GLT8D2: variants seen among roughly 807,000 people sequenced by gnomAD.
The protein encoded by GLT8D2 is glycosyltransferase 8 domain containing 2, also known as glycosyltransferase 8 domain-containing protein 2.
A neutral mutation model predicts 44.5 loss-of-function variants in GLT8D2; 45 were observed. That is an observed-to-expected ratio of 1.01 (90% CI 0.80 to 1.30). The LOEUF is 1.30. GLT8D2 is among the 50% of genes most tolerant of loss of function. The pLI, the probability that GLT8D2 is intolerant of heterozygous loss-of-function variation, is 0.00. For synonymous variants in GLT8D2, 156 were observed against 157.2 expected, an observed-to-expected ratio of 0.99 and a Z score of 0.06; for missense variants, 400 against 430.4, an observed-to-expected ratio of 0.93 and a Z score of 0.62.
chr12:103,999,130 C>T (rs951852916), intron 6 of GLT8D2, among the ~76,000 whole-genome samples: 1 of 152,198 alleles, frequency 6.6e-6, no homozygotes, highest in Non-Finnish European at 1.5e-5. Flanking sequence ...CTCCCACCCC[C>T]ACAGACATAT....
At position 103,989,252 on chromosome 12, in the gene GLT8D2, A is replaced by G. The variant is rs1428130706; in HGVS notation, c.*156T>C. On this transcript the variant is annotated 3_prime_UTR_variant, in exon 11 of 11. Coordinates refer to ENST00000360814, the MANE Select transcript of GLT8D2 (RefSeq NM_001384711.1). ...CTTAAAGAAGTTAATCAATGCCTAT[A>G]TGGTCCAAGGTATAATTTGCACACA... 1.7e-5 allele frequency: 9 copies of G among 528,952 alleles called. No individual in the cohort carries two copies. Among genetic ancestry groups the G allele is most frequent in the South Asian group, 3.7e-5 (1 of 26,768 alleles). 32.8% of individuals were successfully genotyped at this position (528,952 alleles called of 1,614,324 possible).
rs189319546 is a variant in GLT8D2, at chr12:104,055,420, A to C, written c.-422-5132T>G. ...GCACTCTGTCATTCTGCAGCCTGGC[A>C]TATGCTAAAGATGGCAGAGAATCAC... On this transcript the variant is annotated intron_variant, in intron 1 of 10. Coordinates refer to the GLT8D2 transcript ENST00000548660. Among the ~76,000 whole-genome samples, 3 of 152,352 alleles carry C rather than the reference A, an allele frequency of 2.0e-5. No homozygotes were observed. In the East Asian group the frequency reaches 5.8e-4, roughly 29 times the overall value.
At chr12:104,025,209 A>T (rs1031346535) in intron 1 of GLT8D2, among the ~76,000 whole-genome samples, 1 of 150,752 alleles carries the variant, frequency 6.6e-6, no homozygotes, top group African/African-American at 2.4e-5. Context: ...AATTCATTTT[A>T]TTTTTTTCTT....
chr12:104,062,048 A>G (rs1882697496), intron 1 of GLT8D2, among the ~76,000 whole-genome samples: 1 of 151,236 alleles, frequency 6.6e-6, no homozygotes, highest in Non-Finnish European at 1.5e-5. Flanking sequence ...TAAAAAAAAT[A>G]GTGAGAATTC....
intron 8 of GLT8D2, among the ~76,000 whole-genome samples, chr12:103,994,752 A>C (rs1873200856): frequency 6.6e-6 from 1 of 152,176 alleles, no homozygotes; most frequent in Non-Finnish European, 1.5e-5. Context: ...AGCCTTGTCC[A>C]GTCTCATGGC....
intron 1 of GLT8D2, among the ~76,000 whole-genome samples, chr12:104,049,015 C>G (rs1287701748): frequency 6.6e-6 from 1 of 152,158 alleles, no homozygotes; most frequent in African/African-American, 2.4e-5. Context: ...ATTGCACAGT[C>G]TACTTCCAAG....
At chr12:104,035,283 G>A (rs890202919) in intron 1 of GLT8D2, among the ~76,000 whole-genome samples, 7 of 152,148 alleles carry the variant, frequency 4.6e-5, no homozygotes, top group African/African-American at 1.7e-4. Context: ...ACAGCTCCTC[G>A]CCAGCAATGG....
Position 104,036,568 on chromosome 12 carries a change from C to T in GLT8D2, c.-164+13327G>A, listed in dbSNP as rs143374979. Reference sequence around the variant, plus strand: ...CAAAGATCAAAACAGACAAAGAAGGCCATTACGTCATGGTAAAGGGATCAA... The same window carrying T: ...CAAAGATCAAAACAGACAAAGAAGGTCATTACGTCATGGTAAAGGGATCAA... On this transcript the variant is annotated intron_variant, in intron 1 of 10. Coordinates refer to ENST00000360814, the MANE Select transcript of GLT8D2 (RefSeq NM_001384711.1). Among the ~76,000 whole-genome samples the T allele has an allele frequency of 2.3e-3, 350 of 152,174 alleles. 4 individuals are homozygous for T. In the East Asian group the frequency reaches 0.029, roughly 12 times the overall value.
At chr12:104,016,741 A>AAGAG (rs1876728226) in intron 3 of GLT8D2, among the ~76,000 whole-genome samples, 1 of 99,466 alleles carries the variant, frequency 1.0e-5, no homozygotes, top group Non-Finnish European at 2.1e-5. Flanking sequence ...GAAAGAAAGA[A>AAGAG]AGAAAGAAAG....
upstream of GLT8D2, among the ~76,000 whole-genome samples, chr12:104,054,446 T>A (rs1233493528): frequency 6.6e-6 from 1 of 151,992 alleles, no homozygotes; most frequent in Non-Finnish European, 1.5e-5. Context: ...ATATCTTGAC[T>A]ATGATAAATA....
At chr12:104,063,321 G>A (rs188384359) in intron 1 of GLT8D2, among the ~76,000 whole-genome samples, 1 of 152,314 alleles carries the variant, frequency 6.6e-6, no homozygotes, top group African/African-American at 2.4e-5. Flanking sequence ...ATGCAGTGCA[G>A]TTTTATTCCT....
chr12:104,003,059 G>C (rs1342784810), intron 5 of GLT8D2, 76 bp downstream of exon 5: 5 of 1,102,710 alleles, frequency 4.5e-6, no homozygotes, highest in Non-Finnish European at 6.7e-6. Context: ...AGAAGAAGAG[G>C]TAGGGAGGGA....
At chr12:104,046,282 G>T (rs1175460942) in intron 1 of GLT8D2, among the ~76,000 whole-genome samples, 2 of 151,974 alleles carry the variant, frequency 1.3e-5, no homozygotes, top group African/African-American at 4.8e-5. Context: ...TAACACTTAC[G>T]TAGCAATTCT....
intron 4 of GLT8D2, among the ~76,000 whole-genome samples, chr12:104,012,311 A>C (rs1485869556): frequency 1.3e-5 from 2 of 151,798 alleles, no homozygotes; most frequent in African/African-American, 4.8e-5. Context: ...GCATTCTTCC[A>C]TGCCAATGCT....
rs192828195 is a variant in GLT8D2 at position 104,055,334 on chromosome 12, G to T, written c.-422-5046C>A. Among the ~76,000 whole-genome samples the T allele has an allele frequency of 5.1e-3, 779 of 152,314 alleles. 52 individuals carry two copies. In the East Asian group the frequency reaches 0.13, roughly 25 times the overall value. On this transcript the variant is annotated intron_variant, in intron 1 of 10. Transcript: ENST00000548660. ...CAGGACACTGAACAGGTTGAAGGGT[G>T]GAGAGTAGATCTGTAGAAGTAAATG...
chr12:104,063,993 C>G (rs1474941206), exon 1 of GLT8D2: 1 of 152,304 alleles, frequency 6.6e-6, no homozygotes, highest in Non-Finnish European at 1.5e-5. Flanking sequence ...TGGCTCCGCA[C>G]AAAGCTGCCT....
chr12:104,048,048 T>C (rs1881351084), intron 1 of GLT8D2, among the ~76,000 whole-genome samples: 1 of 152,190 alleles, frequency 6.6e-6, no homozygotes, highest in South Asian at 2.1e-4. Context: ...GCAGAAAAAG[T>C]TTGCTGACTT....
intron 1 of GLT8D2, among the ~76,000 whole-genome samples, chr12:104,040,708 G>C (rs564890998): frequency 1.7e-4 from 26 of 152,186 alleles, no homozygotes; most frequent in Admixed American, 6.5e-5. Flanking sequence ...ACAGGCGTGA[G>C]CCACCACGCC....
Position 104,003,211 on chromosome 12 carries a change from T to C in GLT8D2, c.208A>G (p.Asn70Asp). 6.2e-7 allele frequency: 1 copy of C among 1,614,026 alleles called. No individual in the cohort carries two copies. The highest frequency in any genetic ancestry group is 8.5e-7 in the Non-Finnish European group (1 of 1,179,888). ...GCGTCAGTGTTGCTGTAGATGCTAT[T>C]GATGGCAGCCATAGTGGCACCCATC... is the stretch of plus-strand genomic sequence containing the variant. ...GRMGATMAAI[N>D]SIYSNTDANI... Residue 70 changes from asparagine (N) to aspartate (D), a missense_variant, in exon 5 of 11, where the codon AAT (asparagine) becomes GAT (aspartate). Coordinates refer to ENST00000360814, the MANE Select transcript of GLT8D2 (RefSeq NM_001384711.1).
Sources: allele counts gnomAD v4.1 joint callset (sites outside exome capture counted in the v4.1 genomes callset), GRCh38; gene constraint gnomAD v4.1.1; transcripts MANE v1.5; gene names NCBI Gene and HGNC (gene_info 2026-07-23, HGNC 2026-07-21).